LONRF1: variants seen among roughly 807,000 people sequenced by gnomAD.
LONRF1 encodes the protein LON peptidase N-terminal domain and ring finger 1, also known as LON peptidase N-terminal domain and RING finger protein 1.
In LONRF1, 37 loss-of-function variants were observed where a neutral mutation model predicts 85.8. The observed-to-expected ratio is 0.43, with a 90% CI of 0.33 to 0.57. The LOEUF (loss-of-function observed/expected upper bound fraction) is 0.57. Ranked by LOEUF, LONRF1 falls within the 20% of genes least tolerant of loss-of-function variation. LONRF1 has a pLI of 0.04. For missense variants in LONRF1, 1,036 were observed against 978.0 expected (o/e 1.06, Z -0.79); for synonymous variants, 517 against 390.1 (o/e 1.33, Z -3.83).
chr8:12,727,220 C>T (rs73202632), intron 10 of LONRF1: 9 of 146,276 alleles, frequency 6.2e-5, no homozygotes, highest in Non-Finnish European at 1.0e-4. Flanking sequence ...CAATTATAAG[C>T]GTCAGTGATG....
At chr8:12,723,284 A>G in intron 11 of LONRF1, 30 bp from the exon 12 acceptor site, 1 of 1,570,164 alleles carries the variant, frequency 6.4e-7, no homozygotes, top group Middle Eastern at 1.7e-4. Context: ...TATAGCATTA[A>G]TAAAACAAGG....
intron 1 of LONRF1, among the ~76,000 whole-genome samples, chr8:12,751,638 T>C (rs1368629476): frequency 6.6e-6 from 1 of 151,788 alleles, no homozygotes; most frequent in Non-Finnish European, 1.5e-5. Context: ...AGACAAAATT[T>C]TCCTTACCCA....
At chr8:12,742,820 G>T (rs566817814) in intron 2 of LONRF1, among the ~76,000 whole-genome samples, 8 of 152,084 alleles carry the variant, frequency 5.3e-5, no homozygotes, top group South Asian at 2.1e-4. Context: ...CAATCTCCAG[G>T]GCTCCAGTGA....
chr8:12,742,561 A>T (rs933052648), intron 2 of LONRF1, among the ~76,000 whole-genome samples: 2 of 152,178 alleles, frequency 1.3e-5, no homozygotes, highest in African/African-American at 4.8e-5. Context: ...ATCTCATTCA[A>T]TGAAGTCCAG....
At chr8:12,732,723 G>A (rs1312561691) in intron 7 of LONRF1, among the ~76,000 whole-genome samples, 2 of 152,090 alleles carry the variant, frequency 1.3e-5, no homozygotes. Context: ...AGTAGGCATT[G>A]TAGCGTGTAG....
chr8:12,750,501 T>C (rs918350079), intron 1 of LONRF1, among the ~76,000 whole-genome samples: 8 of 152,222 alleles, frequency 5.3e-5, no homozygotes, highest in Non-Finnish European at 1.2e-4. Flanking sequence ...TATGCTGTGA[T>C]AAAACGTACA....
At chr8:12,723,548 C>T (rs1458677825) in intron 11 of LONRF1, among the ~76,000 whole-genome samples, 3 of 152,222 alleles carry the variant, frequency 2.0e-5, no homozygotes, top group African/African-American at 7.2e-5. Flanking sequence ...CAAGGCTTCT[C>T]GACCTCAGGC....
intron 3 of LONRF1, among the ~76,000 whole-genome samples, chr8:12,739,439 G>A (rs1798845350): frequency 6.6e-6 from 1 of 151,840 alleles, no homozygotes; most frequent in Non-Finnish European, 1.5e-5. Flanking sequence ...ACTCTACAGT[G>A]ACAAAAATCT....
chr8:12,751,299 T>TTTTTTTTGTTTGTTTG (rs1563160554), intron 1 of LONRF1, among the ~76,000 whole-genome samples: 7 of 84,772 alleles, frequency 8.3e-5, no homozygotes, highest in South Asian at 5.2e-4. Flanking sequence ...TTTTTATGTT[T>TTTTTTTTGTTTGTTTG]TTTTTTTTTT....
Position 12,734,962 on chromosome 8 carries a change from G to C in LONRF1, c.1566+324C>G, listed in dbSNP as rs1419404846. Among the ~76,000 whole-genome samples, 7 of 152,102 alleles carry C rather than the reference G, an allele frequency of 4.6e-5. No homozygotes were observed. The East Asian group carries it at 1.4e-3, about 29-fold the overall frequency. On this transcript the variant is annotated intron_variant, in intron 7 of 11. Coordinates refer to ENST00000398246, the MANE Select transcript of LONRF1 (RefSeq NM_152271.5). ...GGCTTATTATTGAGGGTTGGAGGCA[G>C]GGCAATAGGGTTTCCCCAGTATAGT...
chr8:12,747,880 C>T (rs1197623738), intron 1 of LONRF1, among the ~76,000 whole-genome samples: 1 of 152,096 alleles, frequency 6.6e-6, no homozygotes, highest in Non-Finnish European at 1.5e-5. Flanking sequence ...GTGCCTAGTG[C>T]AGGTCAGTCT....
At chr8:12,754,644 C>T in intron 1 of LONRF1, 56 bp downstream of exon 1, 5 of 1,259,754 alleles carry the variant, frequency 4.0e-6, no homozygotes, top group Non-Finnish European at 5.0e-6. Flanking sequence ...GGTCCCCGGC[C>T]CTCGGGGCCA....
In LONRF1 at chr8:12,728,795, GTCTGATAA is replaced by G. The variant is rs1471707820; in HGVS notation, c.2010+98_2010+105del. 11 of 1,248,568 alleles carry G rather than the reference GTCTGATAA, an allele frequency of 8.8e-6. No homozygotes were observed. In the African/African-American group the frequency reaches 1.3e-4, roughly 15 times the overall value. 77.3% of individuals were successfully genotyped at this position (1,248,568 alleles called of 1,614,324 possible). A position where few individuals can be genotyped will look rare whatever the true frequency, so the allele number is the denominator to read the frequency against. ...ACATTCTCATCACAGTGGTAAGGCT[GTCTGATAA>G]GAACTGGTTCATGCACCTAGAAAAT... On this transcript the variant is annotated intron_variant, in intron 10 of 11. Transcript: ENST00000398246.
At chr8:12,753,451 C>A (rs1799490368) in intron 1 of LONRF1, 1 of 152,154 alleles carries the variant, frequency 6.6e-6, no homozygotes, top group South Asian at 2.1e-4. Flanking sequence ...ATACGCGTAA[C>A]ACAAGGTTTA....
Position 12,729,332 on chromosome 8 carries a change from G to C in LONRF1, c.1689C>G (p.His563Gln). Residue 563 changes from histidine to glutamine, a missense_variant and splice_region_variant, in exon 9 of 12, where the codon CAC (histidine) becomes CAG (glutamine). His to Gln is a conservative substitution (Grantham distance 24). Transcript: ENST00000398246. ...IYDEETAELS[H>Q]LTKNVPIFVC... ...CAAATATTGGAACATTCTTGGTCAA[G>C]CTAAGGGAAAAACAGTTTAATTATT... 6.2e-7 allele frequency: 1 copy of C among 1,612,232 alleles called. No homozygotes were observed. The highest frequency in any genetic ancestry group is 8.5e-7 in the Non-Finnish European group (1 of 1,179,328).
intron 10 of LONRF1, 135 bp downstream of exon 10, chr8:12,728,766 G>A (rs1304073645): frequency 2.2e-6 from 2 of 927,502 alleles, no homozygotes; most frequent in African/African-American, 1.7e-5. Flanking sequence ...AGGTAACTTG[G>A]AGCACATTCT....
At chr8:12,752,146 A>G (rs1362869654) in intron 1 of LONRF1, among the ~76,000 whole-genome samples, 1 of 152,234 alleles carries the variant, frequency 6.6e-6, no homozygotes, top group Non-Finnish European at 1.5e-5. Flanking sequence ...AATTATACGA[A>G]GAAATTATAG....
chr8:12,736,085 G>A (rs1456732341), intron 6 of LONRF1, among the ~76,000 whole-genome samples: 1 of 152,054 alleles, frequency 6.6e-6, no homozygotes, highest in Non-Finnish European at 1.5e-5. Flanking sequence ...AGAAACCAAG[G>A]CTCAGAATTA....
intron 10 of LONRF1, among the ~76,000 whole-genome samples, chr8:12,726,774 C>A (rs1190356414): frequency 1.3e-5 from 2 of 152,128 alleles, no homozygotes; most frequent in Non-Finnish European, 2.9e-5. Context: ...TTAAAAACAA[C>A]AAAGGGACTC....
Sources: gnomAD v4.1 joint callset for allele counts (sites outside exome capture counted in the v4.1 genomes callset) on GRCh38, gnomAD v4.1.1 for gene constraint, MANE v1.5 for transcripts, NCBI Gene and HGNC (gene_info 2026-07-23, HGNC 2026-07-21) for gene names.